CSTPP1: variants seen among roughly 807,000 people sequenced by gnomAD.
CSTPP1 encodes the protein centriolar satellite-associated tubulin polyglutamylase complex regulator 1.
At chr11:47,056,233 C>T in the CSTPP1 span, among the ~76,000 whole-genome samples, 3 of 152,156 alleles carry the variant, frequency 2.0e-5, no homozygotes. Flanking sequence ...AAAAAATCCA[C>T]CTAAAAGTGT....
At chr11:47,083,783 T>C in the CSTPP1 span, among the ~76,000 whole-genome samples, 1 of 152,256 alleles carries the variant, frequency 6.6e-6, no homozygotes. Flanking sequence ...GTATCAGCAC[T>C]TCATTCCTTT....
chr11:47,101,002 A>ATT, the CSTPP1 span, among the ~76,000 whole-genome samples: 7 of 139,388 alleles, frequency 5.0e-5, no homozygotes, highest in African/African-American at 1.6e-4. Flanking sequence ...TTCTGAGGGA[A>ATT]TTTTTTTTTT....
chr11:47,138,482 A>T, the CSTPP1 span, among the ~76,000 whole-genome samples: 2 of 152,210 alleles, frequency 1.3e-5, no homozygotes, highest in Non-Finnish European at 2.9e-5. Flanking sequence ...AAGGGCATAA[A>T]GGTGATAAAG....
At chr11:46,987,124 C>T in the CSTPP1 span, 1 of 1,344,368 alleles carries the variant, frequency 7.4e-7, no homozygotes. Flanking sequence ...GATTGCCTTA[C>T]ACATGACCTC....
At chr11:47,066,931 T>C in the CSTPP1 span, among the ~76,000 whole-genome samples, 3 of 152,226 alleles carry the variant, frequency 2.0e-5, no homozygotes, top group African/African-American at 7.2e-5. Flanking sequence ...GGGTGATTAT[T>C]TGTGACCAGA....
chr11:47,100,809 T>C, the CSTPP1 span, among the ~76,000 whole-genome samples: 1 of 152,090 alleles, frequency 6.6e-6, no homozygotes, highest in African/African-American at 2.4e-5. Context: ...ACAAAAGAGA[T>C]AGTGTTATTC....
chr11:46,978,124 A>G, the CSTPP1 span, among the ~76,000 whole-genome samples: 1 of 152,248 alleles, frequency 6.6e-6, no homozygotes, highest in African/African-American at 2.4e-5. Context: ...TGTGAAAGAC[A>G]CTGAATGGTC....
the CSTPP1 span, among the ~76,000 whole-genome samples, chr11:47,075,536 A>G: frequency 6.6e-6 from 1 of 152,140 alleles, no homozygotes; most frequent in Admixed American, 6.5e-5. Flanking sequence ...GGTAAAGAAA[A>G]CTGATGTATA....
the CSTPP1 span, among the ~76,000 whole-genome samples, chr11:46,938,036 G>A: frequency 2.0e-5 from 3 of 151,764 alleles, no homozygotes; most frequent in African/African-American, 7.3e-5. Flanking sequence ...CACCACGCCA[G>A]GTTAATTTTA....
chr11:47,006,428 T>C, the CSTPP1 span, among the ~76,000 whole-genome samples: 1 of 152,206 alleles, frequency 6.6e-6, no homozygotes, highest in Non-Finnish European at 1.5e-5. Context: ...TTTGATAGTT[T>C]TAGTGTAATG....
At chr11:46,950,521 A>T in the CSTPP1 span, among the ~76,000 whole-genome samples, 1 of 151,892 alleles carries the variant, frequency 6.6e-6, no homozygotes, top group Non-Finnish European at 1.5e-5. Flanking sequence ...ATCATGTCTC[A>T]TATATATATT....
At chr11:46,974,857 A>AACACAC in the CSTPP1 span, among the ~76,000 whole-genome samples, 286 of 144,214 alleles carry the variant, frequency 2.0e-3, no homozygotes, top group East Asian at 0.015. Context: ...TCTATCTCAA[A>AACACAC]ACACACACAC....
chr11:47,016,404 CAA>C, the CSTPP1 span, among the ~76,000 whole-genome samples: 1 of 30,230 alleles, frequency 3.3e-5, no homozygotes, highest in Non-Finnish European at 6.8e-5. Context: ...AAACAAAAAA[CAA>C]AAAACAAAAA....
At chr11:47,010,509 C>G in the CSTPP1 span, among the ~76,000 whole-genome samples, 1 of 152,158 alleles carries the variant, frequency 6.6e-6, no homozygotes, top group East Asian at 1.9e-4. Flanking sequence ...CTCCAAAGCT[C>G]CTTTGATTCC....
At chr11:47,085,387 G>A in the CSTPP1 span, among the ~76,000 whole-genome samples, 1 of 152,048 alleles carries the variant, frequency 6.6e-6, no homozygotes, top group South Asian at 2.1e-4. Flanking sequence ...GGCCTAGGTG[G>A]GTGGTATCAT....
chr11:46,987,254 G>C, the CSTPP1 span: 1 of 1,614,190 alleles, frequency 6.2e-7, no homozygotes, highest in Non-Finnish European at 8.5e-7. Context: ...TGTGCCAGCT[G>C]CTAGAAAACA....
chr11:47,047,880 T>C, the CSTPP1 span, among the ~76,000 whole-genome samples: 1 of 152,120 alleles, frequency 6.6e-6, no homozygotes, highest in African/African-American at 2.4e-5. Context: ...AAAGAAGATA[T>C]CCAAATGGCC....
chr11:47,153,941 CTT>C, the CSTPP1 span, among the ~76,000 whole-genome samples: 1 of 151,870 alleles, frequency 6.6e-6, no homozygotes, highest in Non-Finnish European at 1.5e-5. Flanking sequence ...CAAAAGAAAA[CTT>C]TTTTTGTTTT....
At chr11:47,158,045 G>T in the CSTPP1 span, 1 of 840,898 alleles carries the variant, frequency 1.2e-6, no homozygotes. Flanking sequence ...GACTTCCCAG[G>T]GCCGGACTCA....
Sources: gnomAD v4.1 joint callset for allele counts (sites outside exome capture counted in the v4.1 genomes callset) on GRCh38, gnomAD v4.1.1 for gene constraint, MANE v1.5 for transcripts, NCBI Gene and HGNC (gene_info 2026-07-23, HGNC 2026-07-21) for gene names.